The following HHLA1 variants were observed in gnomAD, a reference collection of about 807,000 sequenced individuals.
The protein encoded by HHLA1 is HERV-H LTR-associating protein 1.
A neutral mutation model predicts 69.9 loss-of-function variants in HHLA1; 72 were observed. The observed-to-expected ratio is 1.03, with a 90% CI of 0.85 to 1.25. The LOEUF is 1.25. Among genes scored for constraint, HHLA1 ranks in the 50% most tolerant of loss-of-function variants. HHLA1 has a pLI of 0.00. For missense variants in HHLA1, 685 were observed against 642.2 expected (o/e 1.07, Z -0.72); for synonymous variants, 252 against 233.2 (o/e 1.08, Z -0.73).
At chr8:132,070,028 G>GGGGGGGGGGGGGA (rs1247442233) in intron 15 of HHLA1, 1 of 95,456 alleles carries the variant, frequency 1.0e-5, no homozygotes, top group Non-Finnish European at 2.5e-5. Flanking sequence ...GGGGGGGAGG[G>GGGGGGGGGGGGGA]GGATGAAAGA....
rs570057578 is a variant in HHLA1 at position 132,101,227 on chromosome 8, C to G, written c.140-1093G>C. 3.9e-6 allele frequency: 6 copies of G among 1,550,324 alleles called. No individual in the cohort carries two copies. In the East Asian group the frequency reaches 1.5e-4, roughly 38 times the overall value. ...GAGTAAGTCAGGATTTAGGGCTGCCCGGGAATGTCCCATCTTTTTCCTTCT... is the reference window on the plus strand; with the variant it reads ...GAGTAAGTCAGGATTTAGGGCTGCCGGGGAATGTCCCATCTTTTTCCTTCT... On this transcript the variant is annotated intron_variant, in intron 3 of 16. Transcript: ENST00000414222.
At chr8:132,091,000 C>T (rs1823938587) in intron 7 of HHLA1, among the ~76,000 whole-genome samples, 2 of 152,134 alleles carry the variant, frequency 1.3e-5, no homozygotes, top group African/African-American at 2.4e-5. Context: ...ACCTTGTGCT[C>T]CACCCGCCTC....
chr8:132,095,664 T>C, intron 6 of HHLA1, 39 bp downstream of exon 6: 26 of 1,531,196 alleles, frequency 1.7e-5, no homozygotes, highest in Non-Finnish European at 2.3e-5. Context: ...AACACATCCC[T>C]ACCACCACCA....
At chr8:132,086,856 A>C (rs1277843895) in intron 10 of HHLA1, among the ~76,000 whole-genome samples, 1 of 152,186 alleles carries the variant, frequency 6.6e-6, no homozygotes, top group Non-Finnish European at 1.5e-5. Context: ...GTGGAGTTGC[A>C]GATTTATTGT....
chr8:132,095,449 A>G lies in HHLA1; in HGVS notation c.448+70T>C, dbSNP rs986567979. 22 of 1,042,122 alleles carry G rather than the reference A, an allele frequency of 2.1e-5. No individual in the cohort carries two copies. In the African/African-American group the frequency reaches 3.5e-4, roughly 17 times the overall value. 64.6% of individuals were successfully genotyped at this position (1,042,122 alleles called of 1,614,324 possible). ...TTTTCCTGTCTTACATTGAGGAAAA[A>G]CAAAAACTTATCTAAAAGGACACAA... On this transcript the variant is annotated intron_variant, in intron 7 of 16. Transcript: ENST00000414222.
At chr8:132,071,965 A>G (rs1823553509) in intron 14 of HHLA1, among the ~76,000 whole-genome samples, 1 of 151,860 alleles carries the variant, frequency 6.6e-6, no homozygotes, top group Non-Finnish European at 1.5e-5. Flanking sequence ...TGCATGTGAG[A>G]GCATATGGAT....
chr8:132,067,239 G>A lies in HHLA1; in HGVS notation c.1470-1271C>T, dbSNP rs143876848. 2.2e-3 allele frequency among the ~76,000 whole-genome samples: 338 copies of A among 152,242 alleles called. 2 individuals are homozygous for A. Among genetic ancestry groups the A allele is most frequent in the African/African-American group, 7.8e-3 (323 of 41,542 alleles). ...ATATTGCCCAAAGCAGAAAGGGAGG[G>A]GGAGAAATTCCCTGGCTTCTCCCCT... On this transcript the variant is annotated intron_variant, in intron 15 of 16. Coordinates refer to ENST00000414222, the MANE Select transcript of HHLA1 (RefSeq NM_001145095.3).
intron 10 of HHLA1, among the ~76,000 whole-genome samples, chr8:132,083,772 G>C (rs1422400761): frequency 6.6e-6 from 1 of 152,212 alleles, no homozygotes; most frequent in Non-Finnish European, 1.5e-5. Context: ...AAGTTCTTGT[G>C]TGCTGGAGAT....
intron 15 of HHLA1, among the ~76,000 whole-genome samples, chr8:132,066,875 C>A (rs1029253832): frequency 1.3e-5 from 2 of 152,210 alleles, no homozygotes; most frequent in Non-Finnish European, 2.9e-5. Context: ...ACCCAGGTAA[C>A]CCACTTTATG....
chr8:132,063,927 G>A lies in HHLA1; in HGVS notation c.*68C>T. On this transcript the variant is annotated 3_prime_UTR_variant, in exon 17 of 17. Coordinates refer to ENST00000414222, the MANE Select transcript of HHLA1 (RefSeq NM_001145095.3). ...AATTCTTCAAATGTAGCCCACTTGG[G>A]ACAAGAGCCAGGGTGGATGGCGTAT... The A allele has an allele frequency of 3.6e-6, 3 of 834,172 alleles. No individual in the cohort carries two copies. The highest frequency in any genetic ancestry group is 7.0e-5 in the East Asian group (1 of 14,342). 51.7% of individuals were successfully genotyped at this position (834,172 alleles called of 1,614,324 possible). A position where few individuals can be genotyped will look rare whatever the true frequency, so the allele number is the denominator to read the frequency against.
chr8:132,084,906 T>C (rs1563744891), intron 10 of HHLA1, among the ~76,000 whole-genome samples: 1 of 151,764 alleles, frequency 6.6e-6, no homozygotes, highest in African/African-American at 2.4e-5. Flanking sequence ...AAAGCAGGAC[T>C]TGCCGCTAAG....
chr8:132,093,997 C>A (rs1442388746), intron 7 of HHLA1, among the ~76,000 whole-genome samples: 1 of 152,056 alleles, frequency 6.6e-6, no homozygotes, highest in Non-Finnish European at 1.5e-5. Context: ...TTTAGAAATT[C>A]TACTCAGTGG....
At chr8:132,102,432 G>C (rs1423733137) in intron 3 of HHLA1, among the ~76,000 whole-genome samples, 3 of 152,224 alleles carry the variant, frequency 2.0e-5, no homozygotes, top group Admixed American at 2.0e-4. Flanking sequence ...AGGGCTACTG[G>C]AGGCAACGGG....
At chr8:132,090,809 C>T (rs1053380372) in intron 7 of HHLA1, among the ~76,000 whole-genome samples, 6 of 145,044 alleles carry the variant, frequency 4.1e-5, no homozygotes, top group African/African-American at 1.0e-4. Context: ...CCCAGGCTGG[C>T]GTGCAGTGGC....
At chr8:132,082,137 T>C (rs902490409) in intron 10 of HHLA1, among the ~76,000 whole-genome samples, 1 of 152,026 alleles carries the variant, frequency 6.6e-6, no homozygotes, top group Non-Finnish European at 1.5e-5. Flanking sequence ...CCAGGAACAA[T>C]GGTAATTGTG....
chr8:132,064,382 C>T (rs1054026783), intron 16 of HHLA1, among the ~76,000 whole-genome samples: 12 of 152,134 alleles, frequency 7.9e-5, no homozygotes, highest in Non-Finnish European at 1.3e-4. Context: ...AAATGTAATA[C>T]GTTGTGTGCA....
intron 8 of HHLA1, among the ~76,000 whole-genome samples, chr8:132,088,689 T>C (rs1250791248): frequency 6.6e-6 from 1 of 152,178 alleles, no homozygotes; most frequent in East Asian, 1.9e-4. Context: ...TGATTATATA[T>C]ATTAGGATAG....
At chr8:132,066,228 G>A (rs1006423467) in intron 15 of HHLA1, among the ~76,000 whole-genome samples, 2 of 152,150 alleles carry the variant, frequency 1.3e-5, no homozygotes, top group African/African-American at 4.8e-5. Flanking sequence ...ACTTCAGGGT[G>A]ATAACTTAAT....
rs3048490 is a variant in HHLA1, at chr8:132,102,792, A to ATT, written c.139+1314_139+1315dup. Among the ~76,000 whole-genome samples, 24 of 143,898 alleles carry ATT rather than the reference A, an allele frequency of 1.7e-4. No homozygotes were observed. The East Asian group carries it at 3.2e-3, about 19-fold the overall frequency. The allele number at this position is 143,898 out of a possible 152,430, so 94.4% of individuals were successfully genotyped here. ...TGTGTCATCTTCTTCACTGAGCACC[A>ATT]TTTTTTTTTTTTTTTTTTTTTTTTT... On this transcript the variant is annotated intron_variant, in intron 3 of 16. Coordinates refer to ENST00000414222, the MANE Select transcript of HHLA1 (RefSeq NM_001145095.3).
Sources: allele counts gnomAD v4.1 joint callset (sites outside exome capture counted in the v4.1 genomes callset), GRCh38; gene constraint gnomAD v4.1.1; transcripts MANE v1.5; gene names NCBI Gene and HGNC (gene_info 2026-07-23, HGNC 2026-07-21).